Variants in PTPRG observed in about 807,000 individuals in gnomAD.
PTPRG encodes the protein protein tyrosine phosphatase receptor type G.
Under a neutral mutation model 165.3 loss-of-function variants are expected in PTPRG, and 102 were observed. The observed-to-expected ratio is 0.62, with a 90% CI of 0.53 to 0.73. The LOEUF is 0.73. Ranked by LOEUF, PTPRG falls within the 30% of genes least tolerant of loss-of-function variation. PTPRG has a pLI of 0.00. For missense variants in PTPRG, 1,866 were observed against 1,861.4 expected (o/e 1.00, Z -0.05); for synonymous variants, 675 against 669.5 (o/e 1.01, Z -0.13).
At chr3:61,968,604 C>T (rs2040321555) in intron 2 of PTPRG, among the ~76,000 whole-genome samples, 1 of 152,144 alleles carries the variant, frequency 6.6e-6, no homozygotes, top group South Asian at 2.1e-4. Context: ...GTATCCTTGC[C>T]ACTGGTAGCT....
intron 4 of PTPRG, among the ~76,000 whole-genome samples, chr3:62,026,311 G>C (rs1356879058): frequency 6.6e-6 from 1 of 152,194 alleles, no homozygotes; most frequent in African/African-American, 2.4e-5. Context: ...TGACATTCAA[G>C]TGTTTTTTAT....
chr3:62,137,491 G>A (rs539803791), intron 6 of PTPRG, among the ~76,000 whole-genome samples: 22 of 152,264 alleles, frequency 1.4e-4, no homozygotes, highest in African/African-American at 4.1e-4. Context: ...GTGGTCAGGC[G>A]TGGTCATGGA....
chr3:61,635,542 G>C (rs1196490535), intron 1 of PTPRG, among the ~76,000 whole-genome samples: 1 of 151,718 alleles, frequency 6.6e-6, no homozygotes, highest in Admixed American at 6.6e-5. Context: ...TTTTTTTGTA[G>C]AGGTGGGGTT....
At chr3:61,618,878 G>A (rs374394891) in intron 1 of PTPRG, among the ~76,000 whole-genome samples, 17 of 150,296 alleles carry the variant, frequency 1.1e-4, no homozygotes, top group East Asian at 4.0e-4. Flanking sequence ...TTGGTGGCTC[G>A]CGCCTGTAAT....
At chr3:62,189,732 C>T (rs1699759155) in intron 8 of PTPRG, among the ~76,000 whole-genome samples, 1 of 152,180 alleles carries the variant, frequency 6.6e-6, no homozygotes, top group African/African-American at 2.4e-5. Flanking sequence ...CTTCTACACT[C>T]AGCTGAAGTT....
Position 61,875,297 on chromosome 3 carries a change from C to T in PTPRG, c.191-114328C>T, listed in dbSNP as rs536039610. Among the ~76,000 whole-genome samples the T allele has an allele frequency of 1.2e-4, 18 of 152,278 alleles. No individual in the cohort carries two copies. In the East Asian group the frequency reaches 3.5e-3, roughly 29 times the overall value. On this transcript the variant is annotated intron_variant, in intron 2 of 29. Coordinates refer to ENST00000474889, the MANE Select transcript of PTPRG (RefSeq NM_002841.4). ...GGAGGTATTTCCTGTTGATACCATTCAAGGAGCTGTTTCAGGAGGGCCCTG... is the reference window on the plus strand; with the variant it reads ...GGAGGTATTTCCTGTTGATACCATTTAAGGAGCTGTTTCAGGAGGGCCCTG...
Position 62,222,900 on chromosome 3 carries a change from A to C in PTPRG, c.2288+3917A>C, listed in dbSNP as rs1002037664. Among the ~76,000 whole-genome samples the C allele has an allele frequency of 1.3e-5, 2 of 151,824 alleles. No individual in the cohort carries two copies. The highest frequency in any genetic ancestry group is 2.9e-5 in the Non-Finnish European group (2 of 67,970). On this transcript the variant is annotated intron_variant, in intron 13 of 29. Coordinates refer to ENST00000474889, the MANE Select transcript of PTPRG (RefSeq NM_002841.4). This position sits in a 1 kb window ranked among gnomAD's most constrained non-coding sequence, Gnocchi z 4.5. ...TGAGTAAATAGAATTGAGTATGGGG[A>C]GTATTTGGAGAAGGATAAATCCAAG...
rs1046606101 is a variant in PTPRG, at chr3:62,081,684, T to C, written c.615+3426T>C. ...GTAAGCACACACGTGCTTATATGCTTGAATTCTCACTATGTCATGCAATGC... is the reference window on the plus strand; with the variant it reads ...GTAAGCACACACGTGCTTATATGCTCGAATTCTCACTATGTCATGCAATGC... On this transcript the variant is annotated intron_variant, in intron 5 of 29. Coordinates refer to ENST00000474889, the MANE Select transcript of PTPRG (RefSeq NM_002841.4). 2.0e-5 allele frequency among the ~76,000 whole-genome samples: 3 copies of C among 152,210 alleles called. No individual in the cohort carries two copies. In the East Asian group the frequency reaches 5.8e-4, roughly 29 times the overall value.
intron 2 of PTPRG, among the ~76,000 whole-genome samples, chr3:61,802,464 A>T (rs1248059894): frequency 1.3e-5 from 2 of 152,226 alleles, no homozygotes; most frequent in Non-Finnish European, 2.9e-5. Flanking sequence ...GTTTAACATT[A>T]ATACAATGTG....
chr3:62,091,785 T>C (rs1464934609), intron 5 of PTPRG, among the ~76,000 whole-genome samples: 1 of 152,120 alleles, frequency 6.6e-6, no homozygotes, highest in African/African-American at 2.4e-5. Flanking sequence ...TCCCAGTGTT[T>C]GCCGTGGAGG....
chr3:62,275,550 ACCTGTAAT>A (rs998852541), intron 23 of PTPRG, among the ~76,000 whole-genome samples: 3 of 152,210 alleles, frequency 2.0e-5, no homozygotes, highest in Admixed American at 1.3e-4. Flanking sequence ...GGTAGATTAC[ACCTGTAAT>A]CCCAGAGCAG....
intron 5 of PTPRG, among the ~76,000 whole-genome samples, chr3:62,116,277 A>G (rs1702867049): frequency 6.6e-6 from 1 of 152,162 alleles, no homozygotes; most frequent in Non-Finnish European, 1.5e-5. Context: ...TCCTTTGGAA[A>G]AAGTTAAAAT....
intron 2 of PTPRG, among the ~76,000 whole-genome samples, chr3:61,839,050 G>A (rs2036548228): frequency 6.6e-6 from 1 of 152,122 alleles, no homozygotes. Flanking sequence ...TCTGATTTAT[G>A]TGTTCCTACC....
At chr3:62,044,551 A>G (rs970191055) in intron 4 of PTPRG, among the ~76,000 whole-genome samples, 8 of 151,336 alleles carry the variant, frequency 5.3e-5, no homozygotes, top group African/African-American at 1.9e-4. Flanking sequence ...AAAAAAAAGG[A>G]AAAAAAATGG....
chr3:62,261,022 CCAAG>C (rs1440214505), intron 16 of PTPRG: 1 of 152,072 alleles, frequency 6.6e-6, no homozygotes, highest in Non-Finnish European at 1.5e-5. Context: ...ACAGCTGCTC[CCAAG>C]CAGTCTTGGT....
chr3:62,076,190 G>A (rs1701377202), intron 4 of PTPRG, among the ~76,000 whole-genome samples: 1 of 152,124 alleles, frequency 6.6e-6, no homozygotes, highest in South Asian at 2.1e-4. Context: ...AGGAGGCTGA[G>A]GTGGGAGGAT....
intron 5 of PTPRG, among the ~76,000 whole-genome samples, chr3:62,116,012 C>G (rs1230357307): frequency 6.6e-6 from 1 of 152,206 alleles, no homozygotes; most frequent in African/African-American, 2.4e-5. Context: ...ATTATTGTAG[C>G]AACTCTCATG....
chr3:61,743,016 C>T lies in PTPRG; in HGVS notation c.86-5862C>T, dbSNP rs1243240117. The T allele has an allele frequency of 5.7e-6, 9 of 1,567,706 alleles. No individual in the cohort carries two copies. The Admixed American group carries it at 8.4e-5, about 15-fold the overall frequency. ...TCTTCAAGCTGATCTGCAACTCCACCGTCTCCAGGAACTTGCGGCGCTTGC... is the reference window on the plus strand; with the variant it reads ...TCTTCAAGCTGATCTGCAACTCCACTGTCTCCAGGAACTTGCGGCGCTTGC... On this transcript the variant is annotated intron_variant, in intron 1 of 29. Transcript: ENST00000474889.
intron 24 of PTPRG, among the ~76,000 whole-genome samples, chr3:62,276,231 T>C (rs561570232): frequency 1.1e-3 from 170 of 152,292 alleles, no homozygotes; most frequent in Admixed American, 4.0e-3. Context: ...TGGTTGTCAG[T>C]GTCAGCAAGT....
Sources: gnomAD v4.1 joint callset for allele counts (sites outside exome capture counted in the v4.1 genomes callset) on GRCh38, gnomAD v4.1.1 for gene constraint, Gnocchi (gnomAD v3.1) non-coding constraint, MANE v1.5 for transcripts, NCBI Gene and HGNC (gene_info 2026-07-23, HGNC 2026-07-21) for gene names.